KLK6: variants seen among roughly 807,000 people sequenced by gnomAD.
KLK6 encodes kallikrein related peptidase 6, also known as kallikrein-6.
A neutral mutation model predicts 21.7 loss-of-function variants in KLK6; 16 were observed. The ratio of observed to expected loss-of-function variants is 0.74; its 90% confidence interval spans 0.50 to 1.12. KLK6 has a LOEUF of 1.12. Ranked by LOEUF, KLK6 falls within the 50% of genes most tolerant of loss-of-function variation. KLK6 has a pLI of 0.00. For missense variants in KLK6, 276 were observed against 304.6 expected (o/e 0.91, Z 0.70); for synonymous variants, 116 against 120.1 (o/e 0.97, Z 0.22).
intron 5 of KLK6, chr19:50,962,109 A>T (rs949641233): frequency 1.9e-5 from 9 of 475,084 alleles, no homozygotes; most frequent in African/African-American, 1.6e-4. Context: ...CTTCCTCATT[A>T]ATAGTCTCTT....
rs1233599236 is a variant in KLK6, at chr19:50,959,239, T to C, written c.660A>G (p.Ser220=). 1 of 1,613,874 alleles carries C rather than the reference T, an allele frequency of 6.2e-7. No individual in the cohort carries two copies. The highest frequency in any genetic ancestry group is 8.5e-7 in the Non-Finnish European group (1 of 1,179,950). The change falls in exon 7 of 7, where the codon TCA becomes TCG. Residue 220 remains serine (S), a synonymous_variant. Coordinates refer to ENST00000310157, the MANE Select transcript of KLK6 (RefSeq NM_002774.4). The stretch of plus-strand genomic sequence containing the variant: ...TGGTGTAGACTCCTGGCTTCTCCTT[T>C]GATCCACAGGGGATGTTACCCCATG... ...LVSWGNIPCG[S]KEKPGVYTNV... is the part of the protein sequence containing the mutation.
chr19:50,967,097 C>T, intron 4 of KLK6, 72 bp downstream of exon 4: 1 of 1,558,910 alleles, frequency 6.4e-7, no homozygotes, highest in African/African-American at 1.4e-5. Context: ...CCTATGTCAC[C>T]TCCTGCCTGA....
At chr19:50,960,501 C>T (rs1315934598) in intron 6 of KLK6, among the ~76,000 whole-genome samples, 2 of 152,134 alleles carry the variant, frequency 1.3e-5, no homozygotes, top group Admixed American at 6.5e-5. Flanking sequence ...TGTCTCCCTC[C>T]TCCAGAGCCT....
At chr19:50,961,948 C>CA in intron 5 of KLK6, 68 bp from the exon 6 acceptor site, 1 of 1,552,478 alleles carries the variant, frequency 6.4e-7, no homozygotes, top group South Asian at 1.2e-5. Context: ...CCAGTCACCC[C>CA]CCAACCCCTA....
rs193090231 is a variant in KLK6 at position 50,966,537 on chromosome 19, A to G, written c.197+632T>C. ...ATCAGGCTGGGTGTGGTGGTGGCTC[A>G]TGCCTGTAATCCCAGCTCTTTGGGA... On this transcript the variant is annotated intron_variant, in intron 4 of 6. Coordinates refer to ENST00000310157, the MANE Select transcript of KLK6 (RefSeq NM_002774.4). Among the ~76,000 whole-genome samples, 137 of 152,324 alleles carry G rather than the reference A, an allele frequency of 9.0e-4. 2 individuals carry two copies. In the East Asian group the frequency reaches 0.023, roughly 25 times the overall value.
chr19:50,961,307 A>G (rs1188405360), intron 6 of KLK6, among the ~76,000 whole-genome samples: 1 of 56,756 alleles, frequency 1.8e-5, no homozygotes, highest in Non-Finnish European at 3.3e-5. Flanking sequence ...AGGTGCTGGG[A>G]TTACAGGCAT....
chr19:50,959,888 AG>A, intron 6 of KLK6, among the ~76,000 whole-genome samples: 1 of 46,158 alleles, frequency 2.2e-5, no homozygotes, highest in Non-Finnish European at 4.1e-5. Flanking sequence ...GAGGAGGAGG[AG>A]GAAGAGGAGG....
In KLK6 at chr19:50,960,020, G is replaced by GGAGGAGGAGGAA. The variant is rs1450356172; in HGVS notation, c.583-705_583-704insTTCCTCCTCCTC. Among the ~76,000 whole-genome samples the GGAGGAGGAGGAA allele has an allele frequency of 2.7e-3, 278 of 103,126 alleles. 5 individuals are homozygous for GGAGGAGGAGGAA. The highest frequency in any genetic ancestry group is 6.4e-3 in the African/African-American group (159 of 24,768). 67.7% of individuals were successfully genotyped at this position (103,126 alleles called of 152,430 possible). A position where few individuals can be genotyped will look rare whatever the true frequency, so the allele number is the denominator to read the frequency against. ...AAGAGGAGAAGGAAGAGGAGAAGGA[G>GGAGGAGGAGGAA]GAGGAGGAGGGGGAAGACGAGGAGG... On this transcript the variant is annotated intron_variant, in intron 6 of 6. Coordinates refer to ENST00000310157, the MANE Select transcript of KLK6 (RefSeq NM_002774.4).
At chr19:50,968,741 G>A (rs74717060) in intron 1 of KLK6, 150 bp from the exon 2 acceptor site, 7,762 of 155,088 alleles carry the variant, frequency 0.05, 228 homozygotes, top group Non-Finnish European at 0.064. Flanking sequence ...CCAGCTCCCA[G>A]GCCTCCCTGG....
chr19:50,965,658 C>T (rs955390329), intron 4 of KLK6, among the ~76,000 whole-genome samples: 1 of 152,228 alleles, frequency 6.6e-6, no homozygotes, highest in African/African-American at 2.4e-5. Context: ...ATTGCTGAAT[C>T]TCCACTGCCC....
chr19:50,968,152 G>A (rs760295656), intron 2 of KLK6, 40 bp from the exon 3 acceptor site: 3 of 1,573,802 alleles, frequency 1.9e-6, no homozygotes, highest in Admixed American at 3.3e-5. Context: ...TCACTGCCTC[G>A]ACCCTCCCCC....
intron 5 of KLK6, 26 bp downstream of exon 5, chr19:50,963,276 C>T (rs754813369): frequency 1.9e-6 from 3 of 1,601,290 alleles, no homozygotes; most frequent in East Asian, 4.5e-5. Context: ...CAGTAGCCTG[C>T]TCCCCACCAG....
intron 6 of KLK6, among the ~76,000 whole-genome samples, chr19:50,960,489 A>G (rs930864972): frequency 6.6e-6 from 1 of 151,964 alleles, no homozygotes; most frequent in African/African-American, 2.4e-5. Flanking sequence ...TTCCCCAGCT[A>G]GTGTCTCCCT....
chr19:50,967,271 G>A lies in KLK6; in HGVS notation c.95C>T (p.Ser32Phe), dbSNP rs767070791. 1 of 1,614,082 alleles carries A rather than the reference G, an allele frequency of 6.2e-7. No individual in the cohort carries two copies. The highest frequency in any genetic ancestry group is 8.5e-7 in the Non-Finnish European group (1 of 1,179,992). ...GTAGAGGGCAGCTTGGTAGGGGTGA[G>A]ATGTCTTGTCGCAGGGTCCGCCATG... ...LVHGGPCDKT[S>F]HPYQAALYTS... The change falls in exon 4 of 7, where the codon TCT (serine) becomes TTT (phenylalanine). Residue 32 changes from serine (S) to phenylalanine (F), a missense_variant. Transcript: ENST00000310157.
At chr19:50,965,765 G>A (rs1171929871) in intron 4 of KLK6, among the ~76,000 whole-genome samples, 1 of 152,158 alleles carries the variant, frequency 6.6e-6, no homozygotes, top group East Asian at 1.9e-4. Context: ...TTGGGGTCAG[G>A]GGAACCACCC....
intron 6 of KLK6, 152 bp downstream of exon 6, chr19:50,961,592 C>A: frequency 3.5e-6 from 3 of 852,908 alleles, no homozygotes; most frequent in Non-Finnish European, 5.3e-6. Context: ...TAAGTCTCTT[C>A]TTTTCAAGGC....
intron 6 of KLK6, among the ~76,000 whole-genome samples, chr19:50,959,730 GGAA>G (rs2090780349): frequency 3.3e-5 from 1 of 30,662 alleles, no homozygotes; most frequent in Non-Finnish European, 5.4e-5. Context: ...AAGAGGAGGA[GGAA>G]GAGGAGGAGG....
intron 4 of KLK6, among the ~76,000 whole-genome samples, chr19:50,965,345 C>T (rs942827222): frequency 1.3e-5 from 2 of 151,304 alleles, no homozygotes; most frequent in Admixed American, 6.6e-5. Flanking sequence ...AGTGCAGTGG[C>T]GCGATCTCGG....
chr19:50,968,165 T>C, intron 2 of KLK6, 53 bp from the exon 3 acceptor site: 1 of 1,492,174 alleles, frequency 6.7e-7, no homozygotes, highest in African/African-American at 1.4e-5. Context: ...CCTCCCCCCA[T>C]CCCTCTGTCT....
Sources: gnomAD v4.1 joint callset for allele counts (sites outside exome capture counted in the v4.1 genomes callset) on GRCh38, gnomAD v4.1.1 for gene constraint, MANE v1.5 for transcripts, NCBI Gene and HGNC (gene_info 2026-07-23, HGNC 2026-07-21) for gene names.